Variants in AP2A2 observed in about 807,000 individuals in gnomAD.
AP2A2 encodes AP-2 complex subunit alpha-2.
AP2A2 carries 32 observed loss-of-function variants against 104.2 expected under a neutral mutation model. The ratio of observed to expected loss-of-function variants is 0.31; its 90% confidence interval spans 0.23 to 0.41. The LOEUF (loss-of-function observed/expected upper bound fraction) is 0.41. Among genes scored for constraint, AP2A2 ranks in the 10% least tolerant of loss-of-function variants. The pLI, the probability that AP2A2 is intolerant of heterozygous loss-of-function variation, is 1.00. For synonymous variants in AP2A2, 539 were observed against 533.3 expected (o/e 1.01, Z -0.15); for missense variants, 912 against 1,261.0 (o/e 0.72, Z 4.19).
intron 1 of AP2A2, among the ~76,000 whole-genome samples, chr11:940,005 T>TA (rs1853593234): frequency 6.8e-6 from 1 of 146,042 alleles, no homozygotes; most frequent in Non-Finnish European, 1.5e-5. Context: ...ACCCAGGCTG[T>TA]AGTGCAGTGG....
Position 1,009,680 on chromosome 11 carries a change from C to T in AP2A2, c.2608-3C>T, listed in dbSNP as rs1325851389. On this transcript the variant is annotated splice_polypyrimidine_tract_variant and splice_region_variant and intron_variant, in intron 20 of 21. Transcript: ENST00000448903. ...GTCCTCATTCTCCTGTTTCTTTGGA[C>T]AGATCATTGGATTTGGTTCTGCACT... 8.9e-6 allele frequency: 14 copies of T among 1,569,498 alleles called. No individual in the cohort carries two copies. Among genetic ancestry groups the T allele is most frequent in the Non-Finnish European group, 6.9e-6 (8 of 1,155,206 alleles).
chr11:942,888 G>C (rs1406703682), intron 1 of AP2A2, among the ~76,000 whole-genome samples: 6 of 152,126 alleles, frequency 3.9e-5, no homozygotes, highest in Admixed American at 3.3e-4. Flanking sequence ...AGGGGAGAAG[G>C]GCTTGAGGTG....
intron 1 of AP2A2, among the ~76,000 whole-genome samples, chr11:928,210 G>A (rs1021846702): frequency 4.6e-5 from 7 of 152,222 alleles, no homozygotes; most frequent in African/African-American, 1.7e-4. Context: ...TACCTCTGGT[G>A]ATCTGAAAAT....
chr11:1,006,345 C>T (rs560483523), intron 16 of AP2A2, among the ~76,000 whole-genome samples, 183 bp from the exon 17 acceptor site: 1 of 152,334 alleles, frequency 6.6e-6, no homozygotes, highest in South Asian at 2.1e-4. Context: ...GCCCGTGTTA[C>T]CAGCACTGGT....
rs553793216 is a variant in AP2A2, at chr11:967,522, C to T, written c.137-2647C>T. Reference sequence around the variant, plus strand: ...GACTACAGGCGCCCGCCACCACGCCCGGCTTATTTTTGTATTTTTAGTAGA... The same window carrying T: ...GACTACAGGCGCCCGCCACCACGCCTGGCTTATTTTTGTATTTTTAGTAGA... On this transcript the variant is annotated intron_variant, in intron 2 of 21. Transcript: ENST00000448903. 2.9e-4 allele frequency among the ~76,000 whole-genome samples: 44 copies of T among 151,984 alleles called. 1 individual carries two copies. The highest frequency in any genetic ancestry group is 2.2e-3 in the Admixed American group (34 of 15,264).
At position 972,062 on chromosome 11, in the gene AP2A2, G is replaced by A; in HGVS notation, c.280G>A (p.Gly94Ser). 6.2e-7 allele frequency: 1 copy of A among 1,612,170 alleles called. No homozygotes were observed. The highest frequency in any genetic ancestry group is 8.5e-7 in the Non-Finnish European group (1 of 1,179,046). ...TCTTCTCCTGTCTTTTGGAACGCAG[G>A]GCTACCTTTTCATCTCTGTGTTGGT... ...SSNRYTEKQIGYLFISVLVNS... is the reference protein window; with the variant it reads ...SSNRYTEKQISYLFISVLVNS... Residue 94 changes from glycine to serine, a missense_variant and splice_region_variant, in exon 4 of 22, where the codon GGC becomes AGC. Coordinates refer to ENST00000448903, the MANE Select transcript of AP2A2 (RefSeq NM_012305.4).
chr11:950,370 G>A (rs778500489), intron 1 of AP2A2, among the ~76,000 whole-genome samples: 32 of 149,722 alleles, frequency 2.1e-4, no homozygotes, highest in Non-Finnish European at 3.7e-4. Context: ...GTGCAGTGGC[G>A]TGATCTTGTT....
At chr11:1,005,617 G>A (rs1357818696) in intron 16 of AP2A2, among the ~76,000 whole-genome samples, 1 of 152,228 alleles carries the variant, frequency 6.6e-6, no homozygotes, top group African/African-American at 2.4e-5. Context: ...CGCCTGCCTT[G>A]AGCCTCCTCA....
intron 9 of AP2A2, 111 bp from the exon 10 acceptor site, chr11:988,441 T>G: frequency 7.3e-7 from 1 of 1,372,410 alleles, no homozygotes; most frequent in South Asian, 1.3e-5. Context: ...GATGTGCATG[T>G]GAGGGAAACT....
intron 3 of AP2A2, among the ~76,000 whole-genome samples, 199 bp downstream of exon 3, chr11:970,510 G>T (rs7396798): frequency 0.58 from 88,604 of 152,100 alleles, 26,589 homozygotes; most frequent in Middle Eastern, 0.73. Flanking sequence ...TCCCGCCCAA[G>T]CTGGGTGTTC....
intron 4 of AP2A2, among the ~76,000 whole-genome samples, 162 bp downstream of exon 4, chr11:972,417 G>A (rs1564801344): frequency 1.3e-5 from 2 of 152,194 alleles, no homozygotes; most frequent in Non-Finnish European, 2.9e-5. Context: ...AGTTTAGGCC[G>A]GGCACGGTGG....
chr11:992,475 C>A lies in AP2A2; in HGVS notation c.1270-28C>A. 1 of 1,560,788 alleles carries A rather than the reference C, an allele frequency of 6.4e-7. No homozygotes were observed. The highest frequency in any genetic ancestry group is 8.7e-7 in the Non-Finnish European group (1 of 1,152,372). Reference sequence around the variant, plus strand: ...TTGGGATTGCCATGGCCTGCAGGTGCCGGCCCTCAGCAGCCTGTCCCCCAC... The same window carrying A: ...TTGGGATTGCCATGGCCTGCAGGTGACGGCCCTCAGCAGCCTGTCCCCCAC... On this transcript the variant is annotated intron_variant, in intron 10 of 21. Coordinates refer to ENST00000448903, the MANE Select transcript of AP2A2 (RefSeq NM_012305.4). The surrounding 1 kb of genome is among the most constrained non-coding windows in gnomAD (Gnocchi z 6.4).
At chr11:986,055 C>A (rs572575387) in intron 8 of AP2A2, among the ~76,000 whole-genome samples, 1 of 152,366 alleles carries the variant, frequency 6.6e-6, no homozygotes, top group African/African-American at 2.4e-5. Flanking sequence ...CTCCTCTGCT[C>A]CCACGCCTTC....
chr11:938,253 G>T (rs919298869), intron 1 of AP2A2, among the ~76,000 whole-genome samples: 2 of 152,092 alleles, frequency 1.3e-5, no homozygotes, highest in Non-Finnish European at 2.9e-5. Context: ...CCTCCCTGTG[G>T]CTTCTCCCAT....
intron 1 of AP2A2, among the ~76,000 whole-genome samples, chr11:953,310 G>A (rs142560268): frequency 0.01 from 1,555 of 151,994 alleles, 24 homozygotes; most frequent in African/African-American, 0.036. Flanking sequence ...GATTACAGGC[G>A]CACGCCACCA....
intron 15 of AP2A2, among the ~76,000 whole-genome samples, chr11:1,003,394 G>T (rs1174749380): frequency 6.6e-6 from 1 of 152,372 alleles, no homozygotes; most frequent in Middle Eastern, 3.4e-3. Flanking sequence ...GGTGGGGCCA[G>T]AAGCTGTGTG....
intron 1 of AP2A2, among the ~76,000 whole-genome samples, chr11:934,134 G>T (rs1853376919): frequency 6.6e-6 from 1 of 151,926 alleles, no homozygotes; most frequent in Non-Finnish European, 1.5e-5. Flanking sequence ...CTCCCTCAGC[G>T]CCCCCACCCC....
intron 2 of AP2A2, among the ~76,000 whole-genome samples, chr11:964,230 A>C (rs1854537747): frequency 6.6e-6 from 1 of 152,242 alleles, no homozygotes; most frequent in Admixed American, 6.5e-5. Context: ...GGAAGGTTAC[A>C]ACCAGGGAAA....
chr11:953,471 C>T (rs747051858), intron 1 of AP2A2, among the ~76,000 whole-genome samples: 4 of 152,006 alleles, frequency 2.6e-5, no homozygotes, highest in Non-Finnish European at 5.9e-5. Flanking sequence ...AGCCTGAATG[C>T]GTATTTTTAT....
Sources: allele counts gnomAD v4.1 joint callset (sites outside exome capture counted in the v4.1 genomes callset), GRCh38; gene constraint gnomAD v4.1.1; non-coding constraint Gnocchi (gnomAD v3.1); transcripts MANE v1.5; gene names NCBI Gene and HGNC (gene_info 2026-07-23, HGNC 2026-07-21).